The following ATRX variants were observed in gnomAD, a reference collection of about 807,000 sequenced individuals.
The protein encoded by ATRX is chromatin remodeler ATRX.
In ATRX, 12 loss-of-function variants were observed where a neutral mutation model predicts 172.6. The ratio of observed to expected loss-of-function variants is 0.07; its 90% confidence interval spans 0.04 to 0.11. The LOEUF is 0.11. Ranked by LOEUF, ATRX falls within the 10% of genes least tolerant of loss-of-function variation. The pLI, the probability that ATRX is intolerant of heterozygous loss-of-function variation, is 1.00. For synonymous variants in ATRX, 674 were observed against 594.7 expected (o/e 1.13, Z -1.94); for missense variants, 1,368 against 1,767.4 (o/e 0.77, Z 4.05).
chrX:77,527,408 C>T (rs1169550354), intron 30 of ATRX, among the ~76,000 whole-genome samples: 1 of 112,245 alleles, frequency 8.9e-6, no homozygotes, highest in Non-Finnish European at 1.9e-5. Flanking sequence ...CCACCCCCAG[C>T]CAGGGGAGGC....
At chrX:77,667,840 T>C (rs1417180852) in intron 10 of ATRX, among the ~76,000 whole-genome samples, 1 of 111,748 alleles carries the variant, frequency 8.9e-6, no homozygotes, top group Non-Finnish European at 1.9e-5. Flanking sequence ...AGAACAATCA[T>C]AGTACATTCA....
intron 4 of ATRX, among the ~76,000 whole-genome samples, chrX:77,697,351 T>A (rs983032082): frequency 2.3e-4 from 26 of 111,362 alleles, no homozygotes; most frequent in African/African-American, 7.8e-4. Flanking sequence ...ATATAATAAA[T>A]CCTTAAAAAC....
intron 1 of ATRX, among the ~76,000 whole-genome samples, chrX:77,738,632 C>T (rs1557180323): frequency 2.1e-5 from 2 of 97,209 alleles, no homozygotes; most frequent in African/African-American, 3.9e-5. Flanking sequence ...GGCACAATCT[C>T]GTCTCACTGC....
intron 6 of ATRX, among the ~76,000 whole-genome samples, chrX:77,691,641 G>C (rs2071894727): frequency 9.0e-6 from 1 of 111,190 alleles, no homozygotes; most frequent in Non-Finnish European, 1.9e-5. Context: ...ATCAATATAA[G>C]ACTTTATATA....
Position 77,753,476 on chromosome X carries a change from G to C in ATRX, c.20+32506C>G, listed in dbSNP as rs782087831. ...TCTCTATCTCCTTCAGTTCTGCTCT[G>C]AACTTAGTTATTTCTTGTCTTCTGC... On this transcript the variant is annotated intron_variant, in intron 1 of 34. Transcript: ENST00000373344. 2.7e-5 allele frequency among the ~76,000 whole-genome samples: 3 copies of C among 111,167 alleles called. No homozygotes were observed. The East Asian group carries it at 8.5e-4, about 32-fold the overall frequency.
chrX:77,594,015 C>A, intron 25 of ATRX, 166 bp from the exon 26 acceptor site: 3 of 446,915 alleles, frequency 6.7e-6, no homozygotes, highest in Non-Finnish European at 1.2e-5. Context: ...ACATACAGCA[C>A]AGAAGGACAG....
intron 30 of ATRX, among the ~76,000 whole-genome samples, chrX:77,555,231 G>C (rs1279500405): frequency 1.8e-5 from 2 of 111,728 alleles, no homozygotes; most frequent in African/African-American, 6.5e-5. Context: ...TGAGGATGTG[G>C]AGAAATAGGA....
intron 7 of ATRX, among the ~76,000 whole-genome samples, chrX:77,688,319 CAT>C (rs1185529492): frequency 2.7e-5 from 3 of 112,015 alleles, no homozygotes; most frequent in Non-Finnish European, 3.8e-5. Flanking sequence ...ATAATCAACA[CAT>C]AAAAAACATT....
rs3088074 is a variant in ATRX at position 77,682,471 on chromosome X, C to T, written c.2785G>A (p.Glu929Lys). ...CTAACTTCCAAAGAAGTAAAACTCTCCTCTTTCCCAGAAAGCTTATCGACA... is the reference window on the plus strand; with the variant it reads ...CTAACTTCCAAAGAAGTAAAACTCTTCTCTTTCCCAGAAAGCTTATCGACA... ...DGVDKLSGKE[E>K]SFTSLEVRKV... is the part of the protein sequence containing the mutation. Residue 929 changes from glutamate (E) to lysine (K), a missense_variant, in exon 9 of 35, where the codon GAG becomes AAG. Around this residue, in one of 17 missense-constraint regions of ATRX, gnomAD observed 843 missense variants for 643.1 expected, o/e 1.31. Coordinates refer to ENST00000373344, the MANE Select transcript of ATRX (RefSeq NM_000489.6). 8.3e-7 allele frequency: 1 copy of T among 1,208,306 alleles called. No homozygotes were observed. Among genetic ancestry groups the T allele is most frequent in the Non-Finnish European group, 1.1e-6 (1 of 894,586 alleles).
At chrX:77,606,647 G>A (rs959445759) in intron 22 of ATRX, among the ~76,000 whole-genome samples, 2 of 109,291 alleles carry the variant, frequency 1.8e-5, no homozygotes, top group Non-Finnish European at 3.8e-5. Context: ...AATCAGCTGA[G>A]TGTGATGGCT....
intron 1 of ATRX, among the ~76,000 whole-genome samples, chrX:77,737,445 G>T: frequency 1.3e-5 from 1 of 75,894 alleles, no homozygotes; most frequent in Admixed American, 1.5e-4. Flanking sequence ...AGGGGGGGGG[G>T]GGCCTAGTAT....
intron 28 of ATRX, 24 bp from the exon 29 acceptor site, chrX:77,558,870 A>G (rs1569523208): frequency 1.3e-5 from 14 of 1,100,949 alleles, no homozygotes; most frequent in South Asian, 5.6e-5. Flanking sequence ...TATAGAATAA[A>G]TGCTTCAGTA....
intron 15 of ATRX, among the ~76,000 whole-genome samples, chrX:77,637,939 C>CAAAAAAAAA (rs373944111): frequency 1.4e-4 from 6 of 42,851 alleles, no homozygotes; most frequent in Non-Finnish European, 2.4e-4. Flanking sequence ...AGCTCCATCT[C>CAAAAAAAAA]AAAAAAAAAA....
At chrX:77,694,409 G>C (rs1391188926) in intron 5 of ATRX, among the ~76,000 whole-genome samples, 1 of 111,032 alleles carries the variant, frequency 9.0e-6, no homozygotes, top group Non-Finnish European at 1.9e-5. Flanking sequence ...CAAGGGAGGG[G>C]TATTGGTGGG....
At chrX:77,622,958 A>G (rs1557100940) in intron 19 of ATRX, among the ~76,000 whole-genome samples, 1 of 110,723 alleles carries the variant, frequency 9.0e-6, no homozygotes, top group African/African-American at 3.3e-5. Context: ...AAAAAGTCCG[A>G]AAGAGCACAA....
intron 1 of ATRX, among the ~76,000 whole-genome samples, chrX:77,745,340 T>C (rs782206257): frequency 4.5e-5 from 5 of 110,866 alleles, no homozygotes; most frequent in Non-Finnish European, 7.5e-5. Context: ...GTAACCTGAG[T>C]GTCCATCAAC....
rs2148629804 is a variant in ATRX at position 77,684,123 on chromosome X, G to A, written c.1133C>T (p.Thr378Ile). The A allele has an allele frequency of 8.3e-7, 1 of 1,206,910 alleles. No individual in the cohort carries two copies. The highest frequency in any genetic ancestry group is 1.1e-6 in the Non-Finnish European group (1 of 892,560). The change falls in exon 9 of 35, where the codon ACA (threonine) becomes ATA (isoleucine). Residue 378 changes from threonine (T) to isoleucine (I), a missense_variant. Thr to Ile is a moderately conservative substitution (Grantham distance 89). Around this residue, in one of 17 missense-constraint regions of ATRX, gnomAD observed 843 missense variants for 643.1 expected, o/e 1.31. Transcript: ENST00000373344. The stretch of plus-strand genomic sequence containing the variant: ...AGCAGAACTGATTTCTGAATTATCT[G>A]TTGCCTGCTTTAAAAATTTAACATA... ...SSYVKFLKQA[T>I]DNSEISSATK... is the part of the protein sequence containing the mutation.
At chrX:77,748,165 A>T (rs1020162582) in intron 1 of ATRX, among the ~76,000 whole-genome samples, 6 of 112,220 alleles carry the variant, frequency 5.3e-5, no homozygotes, top group Non-Finnish European at 9.4e-5. Context: ...TATTGTATAT[A>T]AATTTAAAAT....
In ATRX at chrX:77,682,367, A is replaced by T. The variant is rs2148586515; in HGVS notation, c.2889T>A (p.Asp963Glu). The T allele has an allele frequency of 8.3e-7, 1 of 1,211,117 alleles. No individual in the cohort carries two copies. Among genetic ancestry groups the T allele is most frequent in the Non-Finnish European group, 1.1e-6 (1 of 895,237 alleles). Residue 963 changes from aspartate to glutamate, a missense_variant, in exon 9 of 35, where the codon GAT becomes GAA. Around this residue, in one of 17 missense-constraint regions of ATRX, gnomAD observed 843 missense variants for 643.1 expected, o/e 1.31. Transcript: ENST00000373344. ...TCKKVQDGLS[D>E]IAEKFLKKDQ... ...CTTTCTTTAGGAATTTCTCTGCAAT[A>T]TCAGATAAGCCATCCTGTACTTTTT...
Sources: gnomAD v4.1 joint callset for allele counts (sites outside exome capture counted in the v4.1 genomes callset) on GRCh38, gnomAD v4.1.1 for gene constraint, gnomAD v4.1.1 regional missense constraint, MANE v1.5 for transcripts, NCBI Gene and HGNC (gene_info 2026-07-23, HGNC 2026-07-21) for gene names.